The following CNBD1 variants were observed in gnomAD, a reference collection of about 807,000 sequenced individuals.
CNBD1 encodes cyclic nucleotide binding domain containing 1.
A neutral mutation model predicts 54.4 loss-of-function variants in CNBD1; 71 were observed. That is an observed-to-expected ratio of 1.30 (90% CI 1.08 to 1.59). The LOEUF (loss-of-function observed/expected upper bound fraction) is 1.59, where lower values mean the gene tolerates loss of function less well. Among genes scored for constraint, CNBD1 ranks in the 40% most tolerant of loss-of-function variants. The pLI, the probability that CNBD1 is intolerant of heterozygous loss-of-function variation, is 0.00. For missense variants in CNBD1, 659 were observed against 518.0 expected (o/e 1.27, Z -2.64); for synonymous variants, 182 against 170.7 (o/e 1.07, Z -0.51).
intron 1 of CNBD1, among the ~76,000 whole-genome samples, chr8:86,867,837 G>T (rs1808386197): frequency 6.6e-6 from 1 of 152,192 alleles, no homozygotes; most frequent in Non-Finnish European, 1.5e-5. Context: ...GCTACCCTCT[G>T]TAGTGCCTCC....
chr8:87,039,205 C>T (rs1020675206), intron 4 of CNBD1, among the ~76,000 whole-genome samples: 3 of 152,068 alleles, frequency 2.0e-5, no homozygotes, highest in Non-Finnish European at 2.9e-5. Flanking sequence ...TTTCTTCAAC[C>T]TATGTTTAAT....
intron 4 of CNBD1, among the ~76,000 whole-genome samples, chr8:86,947,651 G>A (rs547399809): frequency 2.0e-5 from 3 of 151,992 alleles, no homozygotes; most frequent in African/African-American, 4.8e-5. Flanking sequence ...CATAGTAGAT[G>A]TATATATTTA....
chr8:86,926,989 G>T (rs920952154), intron 3 of CNBD1, among the ~76,000 whole-genome samples: 3 of 152,176 alleles, frequency 2.0e-5, no homozygotes, highest in Non-Finnish European at 4.4e-5. Context: ...TGTCAATGTT[G>T]GGACTTAGGA....
At chr8:87,060,283 G>T (rs1194222075) in intron 4 of CNBD1, among the ~76,000 whole-genome samples, 1 of 152,120 alleles carries the variant, frequency 6.6e-6, no homozygotes, top group African/African-American at 2.4e-5. Flanking sequence ...GTTATTTTAA[G>T]CTGCTAAGTT....
At chr8:87,311,196 T>C (rs1376626019) in intron 8 of CNBD1, among the ~76,000 whole-genome samples, 2 of 151,888 alleles carry the variant, frequency 1.3e-5, no homozygotes, top group Non-Finnish European at 2.9e-5. Flanking sequence ...TCACAAACAA[T>C]ATATCCAACA....
intron 4 of CNBD1, among the ~76,000 whole-genome samples, chr8:87,167,101 C>T (rs1207525998): frequency 6.6e-6 from 1 of 151,792 alleles, no homozygotes; most frequent in African/African-American, 2.4e-5. Context: ...TACCTTAAAT[C>T]CCACAACTTT....
chr8:87,285,319 A>C lies in CNBD1; in HGVS notation c.909+504A>C, dbSNP rs145515372. On this transcript the variant is annotated intron_variant, in intron 7 of 10. Transcript: ENST00000518476. ...GATAACAACTTATTCTGATTCCCTA[A>C]TTCTGCGTTTTTAAGATAACTTCAT... Among the ~76,000 whole-genome samples the C allele has an allele frequency of 5.9e-5, 9 of 152,292 alleles. 1 individual carries two copies. Among genetic ancestry groups the C allele is most frequent in the African/African-American group, 2.2e-4 (9 of 41,562 alleles).
chr8:86,964,578 C>T (rs936033527), intron 4 of CNBD1, among the ~76,000 whole-genome samples: 1 of 152,174 alleles, frequency 6.6e-6, no homozygotes, highest in African/African-American at 2.4e-5. Context: ...CTTGGATCCC[C>T]CTTAATTTGC....
At chr8:86,918,684 C>G (rs928103442) in intron 3 of CNBD1, among the ~76,000 whole-genome samples, 10 of 151,724 alleles carry the variant, frequency 6.6e-5, no homozygotes, top group African/African-American at 2.4e-4. Flanking sequence ...TGAGGCCTCC[C>G]CAGCCAGATG....
intron 2 of CNBD1, among the ~76,000 whole-genome samples, chr8:87,419,869 G>A (rs573128655): frequency 5.3e-4 from 80 of 151,034 alleles, no homozygotes; most frequent in African/African-American, 1.6e-3. Context: ...TATTTAATTC[G>A]CCCATGGTAA....
At chr8:87,235,164 G>T (rs1319344253) in intron 5 of CNBD1, among the ~76,000 whole-genome samples, 1 of 152,152 alleles carries the variant, frequency 6.6e-6, no homozygotes. Flanking sequence ...TCATTTAAGA[G>T]AATGTTGTGG....
chr8:87,091,633 A>T (rs1049392436), intron 4 of CNBD1, among the ~76,000 whole-genome samples: 7 of 152,152 alleles, frequency 4.6e-5, no homozygotes, highest in Non-Finnish European at 8.8e-5. Context: ...GTCAACCAAG[A>T]TAAAAAATAA....
intron 4 of CNBD1, among the ~76,000 whole-genome samples, chr8:87,091,628 C>A (rs111330360): frequency 5.9e-5 from 9 of 152,144 alleles, no homozygotes; most frequent in African/African-American, 1.9e-4. Context: ...TAAATGTCAA[C>A]CAAGATAAAA....
At chr8:87,034,825 A>G (rs563980064) in intron 4 of CNBD1, among the ~76,000 whole-genome samples, 1 of 152,322 alleles carries the variant, frequency 6.6e-6, no homozygotes, top group South Asian at 2.1e-4. Flanking sequence ...GGACCTGTAC[A>G]GTTCAAATTC....
chr8:86,866,618 T>A (rs2453451), intron 1 of CNBD1, 35 bp downstream of exon 1: 2 of 1,482,058 alleles, frequency 1.3e-6, no homozygotes, highest in Middle Eastern at 1.7e-4. Flanking sequence ...CTTATTCACC[T>A]ACCATTGTTT....
In CNBD1 at chr8:86,912,729, A is replaced by G. The variant is rs150512797; in HGVS notation, c.272+7535A>G. Among the ~76,000 whole-genome samples the G allele has an allele frequency of 7.5e-3, 1,148 of 152,264 alleles. 7 individuals are homozygous for G. Among genetic ancestry groups the G allele is most frequent in the African/African-American group, 0.021 (871 of 41,554 alleles). On this transcript the variant is annotated intron_variant, in intron 3 of 10. Transcript: ENST00000518476. ...TATTTTAAAAAAAAGGTTAATTGTA[A>G]AACAACCTCAGACAGTCCCTTCAGG...
At position 86,998,525 on chromosome 8, in the gene CNBD1, G is replaced by A. The variant is rs942220917; in HGVS notation, c.431+58771G>A. On this transcript the variant is annotated intron_variant, in intron 4 of 10. Coordinates refer to ENST00000518476, the MANE Select transcript of CNBD1 (RefSeq NM_173538.3). ...TTTTTTCAGCTTCAGCTGGGGTCCT[G>A]TGCATTGGGCAATTCAAGGTCTTTC... Among the ~76,000 whole-genome samples, 5 of 152,158 alleles carry A rather than the reference G, an allele frequency of 3.3e-5. No homozygotes were observed. In the East Asian group the frequency reaches 7.7e-4, roughly 23 times the overall value.
intron 6 of CNBD1, among the ~76,000 whole-genome samples, chr8:87,277,132 G>C (rs960090845): frequency 6.6e-6 from 1 of 151,378 alleles, no homozygotes; most frequent in Non-Finnish European, 1.5e-5. Flanking sequence ...TAAGGAATTA[G>C]CTCAGGTAAT....
intron 5 of CNBD1, among the ~76,000 whole-genome samples, chr8:87,230,483 G>C (rs1259421154): frequency 6.6e-6 from 1 of 152,152 alleles, no homozygotes; most frequent in Admixed American, 6.5e-5. Flanking sequence ...GCACTCATAT[G>C]TATGTATGTT....
Sources: allele counts gnomAD v4.1 joint callset (sites outside exome capture counted in the v4.1 genomes callset), GRCh38; gene constraint gnomAD v4.1.1; transcripts MANE v1.5; gene names NCBI Gene and HGNC (gene_info 2026-07-23, HGNC 2026-07-21).